YIF1B: variants seen among roughly 807,000 people sequenced by gnomAD.
YIF1B encodes the protein protein YIF1B.
A neutral mutation model predicts 34.6 loss-of-function variants in YIF1B; 24 were observed. The ratio of observed to expected loss-of-function variants is 0.69; its 90% CI spans 0.50 to 0.98. The LOEUF (loss-of-function observed/expected upper bound fraction) is 0.98. Ranked by LOEUF, YIF1B falls within the 50% of genes least tolerant of loss-of-function variation. The pLI, the probability that YIF1B is intolerant of heterozygous loss-of-function variation, is 0.00. For synonymous variants in YIF1B, 186 were observed against 184.8 expected (o/e 1.01, Z -0.05); for missense variants, 368 against 429.4 (o/e 0.86, Z 1.26).
chr19:38,319,661 G>C (rs1009589139), upstream of YIF1B, among the ~76,000 whole-genome samples: 5 of 152,208 alleles, frequency 3.3e-5, no homozygotes, highest in Non-Finnish European at 7.3e-5. Context: ...GAAGGAATGA[G>C]GGGAAGAGAG....
upstream of YIF1B, chr19:38,320,130 C>A: frequency 1.3e-6 from 2 of 1,588,528 alleles, no homozygotes; most frequent in Non-Finnish European, 1.7e-6. Flanking sequence ...CCGCCCTGGA[C>A]GCCTTCGTGG....
intron 1 of YIF1B, among the ~76,000 whole-genome samples, chr19:38,311,706 A>G (rs1183753805): frequency 2.6e-5 from 4 of 152,198 alleles, no homozygotes. Context: ...CATGGCAGAC[A>G]GGACTGGGGG....
chr19:38,308,848 T>C lies in YIF1B; in HGVS notation c.483A>G (p.Ala161=), dbSNP rs762706880. ...DVNAPDLYIP[A]MAFITYVLVA... Reference sequence around the variant, plus strand: ...CCAAAACGTAGGTGATGAAAGCCATTGCTGTGGGAGACAGACACACAGACA... The same window carrying C: ...CCAAAACGTAGGTGATGAAAGCCATCGCTGTGGGAGACAGACACACAGACA... Residue 161 remains alanine, a splice_region_variant and synonymous_variant, in exon 5 of 8, where the codon GCA becomes GCG. Transcript: ENST00000339413. 1.2e-6 allele frequency: 2 copies of C among 1,613,906 alleles called. No homozygotes were observed. The highest frequency in any genetic ancestry group is 4.5e-5 in the East Asian group (2 of 44,870).
chr19:38,305,567 T>A, intron 7 of YIF1B, 60 bp from the exon 8 acceptor site: 1 of 1,531,048 alleles, frequency 6.5e-7, no homozygotes, highest in Non-Finnish European at 8.8e-7. Context: ...TGGGCCAGAG[T>A]GAGAGCCCGG....
At chr19:38,313,975 T>C (rs1268627623) in intron 1 of YIF1B, among the ~76,000 whole-genome samples, 1 of 152,208 alleles carries the variant, frequency 6.6e-6, no homozygotes, top group Non-Finnish European at 1.5e-5. Context: ...TATATATTCA[T>C]ATGTCTACTT....
At chr19:38,318,747 A>G (rs1038594851), upstream of YIF1B, among the ~76,000 whole-genome samples, 1 of 152,126 alleles carries the variant, frequency 6.6e-6, no homozygotes, top group Non-Finnish European at 1.5e-5. Flanking sequence ...CAGCTGGGAC[A>G]TGTCTGAGCT....
At position 38,304,201 on chromosome 19, in the gene YIF1B, GC is replaced by G; in HGVS notation, c.*1150del. Reference sequence around the variant, plus strand: ...GGCAGGTCTCAGCGCTCCTCCCCCTGCTCCGCTCCTCTGCAGGGCCCAGGCG... The same window carrying G: ...GGCAGGTCTCAGCGCTCCTCCCCCTGTCCGCTCCTCTGCAGGGCCCAGGCG... On this transcript the variant is annotated 3_prime_UTR_variant, in exon 8 of 8. Coordinates refer to ENST00000339413, the MANE Select transcript of YIF1B (RefSeq NM_001039672.3). 1 of 1,603,714 alleles carries G rather than the reference GC, an allele frequency of 6.2e-7. No homozygotes were observed. The highest frequency in any genetic ancestry group is 2.2e-5 in the East Asian group (1 of 44,792).
In YIF1B at chr19:38,305,143, T is replaced by C; in HGVS notation, c.*209A>G. On this transcript the variant is annotated 3_prime_UTR_variant, in exon 8 of 8. Coordinates refer to ENST00000339413, the MANE Select transcript of YIF1B (RefSeq NM_001039672.3). ...TGCCCATCAGGGTTTATTGTTTCTG[T>C]AACAGCGGCCACGCCCTGGGGCGGT... 7.1e-7 allele frequency: 1 copy of C among 1,406,780 alleles called. No homozygotes were observed. Among genetic ancestry groups the C allele is most frequent in the Non-Finnish European group, 9.4e-7 (1 of 1,058,540 alleles). 87.1% of individuals were successfully genotyped at this position (1,406,780 alleles called of 1,614,324 possible).
chr19:38,312,519 C>T (rs746526464), intron 1 of YIF1B, among the ~76,000 whole-genome samples: 2 of 152,064 alleles, frequency 1.3e-5, no homozygotes, highest in East Asian at 1.9e-4. Flanking sequence ...ATAGGGAGGG[C>T]GGGATTTGAA....
intron 3 of YIF1B, 22 bp from the exon 4 acceptor site, chr19:38,309,079 C>G (rs773946191): frequency 2.8e-5 from 43 of 1,553,178 alleles, no homozygotes; most frequent in Non-Finnish European, 7.0e-6. Flanking sequence ...GGGAGACGGG[C>G]AGGACCCTCA....
chr19:38,304,885 G>A lies in YIF1B; in HGVS notation c.*467C>T, dbSNP rs1968925268. On this transcript the variant is annotated 3_prime_UTR_variant, in exon 8 of 8. Transcript: ENST00000339413. Reference sequence around the variant, plus strand: ...TCCAAGCAGCACGAGAGCATCCCGGGCAAGGCCAAGAAGCCCAAAGTGAAG... The same window carrying A: ...TCCAAGCAGCACGAGAGCATCCCGGACAAGGCCAAGAAGCCCAAAGTGAAG... The A allele has an allele frequency of 6.2e-7, 1 of 1,610,672 alleles. No individual in the cohort carries two copies. Among genetic ancestry groups the A allele is most frequent in the Non-Finnish European group, 8.5e-7 (1 of 1,178,268 alleles).
chr19:38,311,160 G>A (rs10416962), intron 1 of YIF1B, among the ~76,000 whole-genome samples: 12,810 of 151,906 alleles, frequency 0.084, 1,777 homozygotes, highest in African/African-American at 0.29. Flanking sequence ...GGTGGTTCAC[G>A]CCTATGGTCC....
chr19:38,306,384 A>G (rs1354337717), intron 7 of YIF1B, among the ~76,000 whole-genome samples: 1 of 151,162 alleles, frequency 6.6e-6, no homozygotes, highest in Non-Finnish European at 1.5e-5. Context: ...GCTAATTTTT[A>G]TATTTTTTTA....
At position 38,304,316 on chromosome 19, in the gene YIF1B, A is replaced by C. The variant is rs371088164; in HGVS notation, c.*1036T>G. ...CCTGGGGAGTGTGGACTGGAGGTGC[A>C]GGGGGCCGGACTCAAGCCCAGAAGC... On this transcript the variant is annotated 3_prime_UTR_variant, in exon 8 of 8. Coordinates refer to ENST00000339413, the MANE Select transcript of YIF1B (RefSeq NM_001039672.3). The C allele has an allele frequency of 1.5e-5, 25 of 1,613,226 alleles. No individual in the cohort carries two copies. The highest frequency in any genetic ancestry group is 2.1e-5 in the Non-Finnish European group (25 of 1,179,942).
At chr19:38,317,474 C>T (rs57742789), upstream of YIF1B, among the ~76,000 whole-genome samples, 37 of 152,324 alleles carry the variant, frequency 2.4e-4, no homozygotes, top group East Asian at 6.7e-3. Context: ...CTGATTTAGC[C>T]TCTGTCCCCT....
upstream of YIF1B, chr19:38,317,358 T>A (rs532262544): frequency 6.6e-6 from 1 of 152,404 alleles, no homozygotes; most frequent in Non-Finnish European, 1.5e-5. Flanking sequence ...CTCTGAGACG[T>A]TGTCTTTTTG....
intron 7 of YIF1B, 31 bp downstream of exon 7, chr19:38,307,397 C>T (rs1207478933): frequency 1.2e-6 from 2 of 1,611,880 alleles, no homozygotes; most frequent in South Asian, 1.1e-5. Flanking sequence ...GCACCTGTGC[C>T]TCAGCCTCAC....
chr19:38,311,853 T>C (rs974671445), intron 1 of YIF1B, among the ~76,000 whole-genome samples: 1 of 151,974 alleles, frequency 6.6e-6, no homozygotes, highest in East Asian at 1.9e-4. Flanking sequence ...AATCCCAGCA[T>C]TTTGGGAGGC....
In YIF1B at chr19:38,305,306, T is replaced by G; in HGVS notation, c.*46A>C. On this transcript the variant is annotated 3_prime_UTR_variant, in exon 8 of 8. Coordinates refer to ENST00000339413, the MANE Select transcript of YIF1B (RefSeq NM_001039672.3). ...CAGGAGATGAGTTCGGCGGCCACAG[T>G]GGCCCCCAGCAGCAGCAGCAGCAGC... is the stretch of plus-strand genomic sequence containing the variant. 6.3e-7 allele frequency: 1 copy of G among 1,579,976 alleles called. No individual in the cohort carries two copies. The highest frequency in any genetic ancestry group is 8.6e-7 in the Non-Finnish European group (1 of 1,161,108).
Sources: gnomAD v4.1 joint callset for allele counts (sites outside exome capture counted in the v4.1 genomes callset) on GRCh38, gnomAD v4.1.1 for gene constraint, MANE v1.5 for transcripts, NCBI Gene and HGNC (gene_info 2026-07-23, HGNC 2026-07-21) for gene names.